Variants in ARHGAP42 observed in about 807,000 individuals in gnomAD.
ARHGAP42 encodes rho GTPase-activating protein 42.
In ARHGAP42, 63 loss-of-function variants were observed where a neutral mutation model predicts 125.0. The observed-to-expected ratio is 0.50, with a 90% CI of 0.41 to 0.62. The LOEUF (loss-of-function observed/expected upper bound fraction) is 0.62, where lower values mean the gene tolerates loss of function less well. ARHGAP42 is among the 20% of genes least tolerant of loss of function. The pLI is 0.00. For missense variants in ARHGAP42, 766 were observed against 1,024.2 expected, an observed-to-expected ratio of 0.75 and a Z score of 3.44; for synonymous variants, 339 against 351.0, an observed-to-expected ratio of 0.97 and a Z score of 0.38.
At chr11:100,837,481 A>G (rs1178359357) in intron 3 of ARHGAP42, among the ~76,000 whole-genome samples, 2 of 151,982 alleles carry the variant, frequency 1.3e-5, no homozygotes, top group African/African-American at 4.8e-5. Context: ...TAAAAGTTTT[A>G]TTGTGGAGTG....
At chr11:100,964,644 C>T (rs1858044100) in intron 16 of ARHGAP42, among the ~76,000 whole-genome samples, 1 of 152,162 alleles carries the variant, frequency 6.6e-6, no homozygotes, top group Non-Finnish European at 1.5e-5. Flanking sequence ...TTAAGTGAAG[C>T]TTTCTTGTTC....
intron 3 of ARHGAP42, among the ~76,000 whole-genome samples, chr11:100,845,626 C>T (rs1865047682): frequency 6.6e-6 from 1 of 152,132 alleles, no homozygotes; most frequent in Admixed American, 6.5e-5. Context: ...AAAATAAACA[C>T]ACTTGAATAA....
intron 1 of ARHGAP42, among the ~76,000 whole-genome samples, chr11:100,765,366 A>T (rs543984768): frequency 2.1e-5 from 3 of 139,962 alleles, no homozygotes; most frequent in Non-Finnish European, 4.9e-5. Flanking sequence ...CAGTGTGGCA[A>T]TGTGGTGAAC....
chr11:100,692,268 G>A (rs751357040), intron 1 of ARHGAP42, among the ~76,000 whole-genome samples: 2 of 152,056 alleles, frequency 1.3e-5, no homozygotes, highest in Non-Finnish European at 2.9e-5. Flanking sequence ...ATTATTTATT[G>A]TGATAATTAA....
At chr11:100,768,599 T>A (rs977153055) in intron 1 of ARHGAP42, among the ~76,000 whole-genome samples, 2 of 152,170 alleles carry the variant, frequency 1.3e-5, no homozygotes, top group Non-Finnish European at 2.9e-5. Context: ...TGCAAGAGAC[T>A]GTTAAATGAA....
At chr11:100,729,329 A>G (rs1002002918) in intron 1 of ARHGAP42, among the ~76,000 whole-genome samples, 4 of 151,846 alleles carry the variant, frequency 2.6e-5, no homozygotes, top group Admixed American at 2.6e-4. Flanking sequence ...ATTTATATTA[A>G]TTAATATATC....
At chr11:100,952,015 T>C (rs947630798) in intron 12 of ARHGAP42, among the ~76,000 whole-genome samples, 12 of 152,212 alleles carry the variant, frequency 7.9e-5, no homozygotes, top group Non-Finnish European at 1.6e-4. Context: ...GGGAAGATTT[T>C]TGGTTACAGA....
intron 1 of ARHGAP42, among the ~76,000 whole-genome samples, chr11:100,747,677 A>AT (rs562871166): frequency 6.6e-6 from 1 of 152,214 alleles, no homozygotes. Context: ...AAAAATCCAC[A>AT]TTCTTTTTCC....
chr11:100,972,275 G>T (rs1858268530), intron 17 of ARHGAP42, among the ~76,000 whole-genome samples: 1 of 152,126 alleles, frequency 6.6e-6, no homozygotes, highest in Admixed American at 6.6e-5. Context: ...AAAAGTGAGT[G>T]GTTAAACTAA....
intron 4 of ARHGAP42, among the ~76,000 whole-genome samples, chr11:100,892,711 A>G (rs970697260): frequency 6.6e-6 from 1 of 152,168 alleles, no homozygotes; most frequent in Admixed American, 6.6e-5. Context: ...TACATTAGCT[A>G]TTGAGTGCTG....
intron 21 of ARHGAP42, among the ~76,000 whole-genome samples, chr11:100,977,706 G>T (rs1032462381): frequency 6.6e-6 from 1 of 152,106 alleles, no homozygotes; most frequent in Non-Finnish European, 1.5e-5. Context: ...TCTCTTTTAA[G>T]GTCTGCAGTG....
intron 3 of ARHGAP42, among the ~76,000 whole-genome samples, chr11:100,854,668 T>TGACC (rs1865284855): frequency 6.6e-6 from 1 of 152,148 alleles, no homozygotes; most frequent in African/African-American, 2.4e-5. Flanking sequence ...GTGGATTTGC[T>TGACC]GACCTAGAGA....
intron 22 of ARHGAP42, among the ~76,000 whole-genome samples, chr11:100,981,244 A>G (rs1048833427): frequency 6.6e-6 from 1 of 152,234 alleles, no homozygotes; most frequent in African/African-American, 2.4e-5. Flanking sequence ...TGGTTTCTAC[A>G]TTAATAACTA....
At chr11:100,935,857 G>A (rs919609511) in intron 7 of ARHGAP42, among the ~76,000 whole-genome samples, 1 of 152,096 alleles carries the variant, frequency 6.6e-6, no homozygotes, top group Admixed American at 6.5e-5. Context: ...CATTTTTCTG[G>A]GCCGGTCAGG....
intron 4 of ARHGAP42, among the ~76,000 whole-genome samples, chr11:100,893,787 C>T (rs927757052): frequency 6.6e-6 from 1 of 151,938 alleles, no homozygotes; most frequent in Admixed American, 6.6e-5. Flanking sequence ...TGATAAATTC[C>T]TTCATAAAGA....
chr11:100,947,887 G>GT (rs1868067083), intron 10 of ARHGAP42, among the ~76,000 whole-genome samples: 1 of 151,800 alleles, frequency 6.6e-6, no homozygotes, highest in Non-Finnish European at 1.5e-5. Flanking sequence ...CTTTCTTGAA[G>GT]TATATCCTCA....
In ARHGAP42 at chr11:100,965,097, G is replaced by A. The variant is rs181765333; in HGVS notation, c.1445-574G>A. On this transcript the variant is annotated intron_variant, in intron 16 of 23. Coordinates refer to ENST00000298815, the MANE Select transcript of ARHGAP42 (RefSeq NM_152432.4). ...TGCTGAGGAAAGGGGGAAAAGCCCCGTATAAAACCATCAGATCTTGTGAGA... is the reference window on the plus strand; with the variant it reads ...TGCTGAGGAAAGGGGGAAAAGCCCCATATAAAACCATCAGATCTTGTGAGA... Among the ~76,000 whole-genome samples, 54 of 152,168 alleles carry A rather than the reference G, an allele frequency of 3.5e-4. No homozygotes were observed. In the East Asian group the frequency reaches 5.2e-3, roughly 15 times the overall value.
At chr11:100,928,420 A>G (rs962514004) in intron 6 of ARHGAP42, among the ~76,000 whole-genome samples, 5 of 151,830 alleles carry the variant, frequency 3.3e-5, no homozygotes, top group African/African-American at 4.8e-5. Context: ...ACATGGCAAA[A>G]CCCCACCTCT....
At chr11:100,828,412 T>A (rs948114478) in intron 3 of ARHGAP42, among the ~76,000 whole-genome samples, 2 of 152,192 alleles carry the variant, frequency 1.3e-5, no homozygotes, top group African/African-American at 4.8e-5. Context: ...TGTTCTCTGA[T>A]GACTGAGCTT....
Sources: allele counts gnomAD v4.1 joint callset (sites outside exome capture counted in the v4.1 genomes callset), GRCh38; gene constraint gnomAD v4.1.1; transcripts MANE v1.5; gene names NCBI Gene and HGNC (gene_info 2026-07-23, HGNC 2026-07-21).